The following PSME3IP1 variants were observed in gnomAD, a reference collection of about 807,000 sequenced individuals.
PSME3IP1 encodes proteasome activator subunit 3 interacting protein 1.
In PSME3IP1, 13 loss-of-function variants were observed where a neutral mutation model predicts 34.1. The ratio of observed to expected loss-of-function variants is 0.38; its 90% CI spans 0.25 to 0.61. The LOEUF (loss-of-function observed/expected upper bound fraction) is 0.61, where lower values mean the gene tolerates loss of function less well. Among genes scored for constraint, PSME3IP1 ranks in the 20% least tolerant of loss-of-function variants. The probability of loss-of-function intolerance (pLI) is 0.60; values close to 1 mark genes in which losing one functional copy is unlikely to be tolerated. For missense variants in PSME3IP1, 237 were observed against 301.4 expected (o/e 0.79, Z 1.58); for synonymous variants, 93 against 114.3 (o/e 0.81, Z 1.19).
intron 5 of PSME3IP1, among the ~76,000 whole-genome samples, chr16:57,164,868 C>T (rs1376448554): frequency 1.3e-5 from 2 of 151,780 alleles, no homozygotes; most frequent in African/African-American, 4.8e-5. Flanking sequence ...CCTGTCTCTA[C>T]AAAAAATACA....
Position 57,168,803 on chromosome 16 carries a change from C to CAAA in PSME3IP1, c.349-1580_349-1578dup, listed in dbSNP as rs1189721344. Among the ~76,000 whole-genome samples, 77 of 23,886 alleles carry CAAA rather than the reference C, an allele frequency of 3.2e-3. 7 individuals carry two copies. The highest frequency in any genetic ancestry group is 4.6e-3 in the Non-Finnish European group (61 of 13,310). 15.7% of individuals were successfully genotyped at this position (23,886 alleles called of 152,430 possible). A position where few individuals can be genotyped will look rare whatever the true frequency, so the allele number is the denominator to read the frequency against. On this transcript the variant is annotated intron_variant, in intron 4 of 6. Coordinates refer to ENST00000309137, the MANE Select transcript of PSME3IP1 (RefSeq NM_024946.4). Reference sequence around the variant, plus strand: ...GGGTAACAAGAGCGAAACTCTGTCTCAAAAAAAAAAAAAAAAAAAAAAAAA... The same window carrying CAAA: ...GGGTAACAAGAGCGAAACTCTGTCTCAAAAAAAAAAAAAAAAAAAAAAAAAAAA...
At chr16:57,161,660 C>A (rs1597610453) in intron 6 of PSME3IP1, among the ~76,000 whole-genome samples, 1 of 151,154 alleles carries the variant, frequency 6.6e-6, no homozygotes, top group East Asian at 2.0e-4. Flanking sequence ...CTACAGGCAT[C>A]CGCCAGCACA....
Position 57,173,826 on chromosome 16 carries a change from A to G in PSME3IP1, c.29T>C (p.Ile10Thr). The part of the protein sequence containing the change: MDGGDDGNL[I>T]IKKRFVSEAE... ...CTCAGACACAAACCTCTTTTTGATA[A>G]TAAGGTTACCATCATCCCCTCCATC... The change falls in exon 2 of 7, where the codon ATT becomes ACT. Residue 10 changes from isoleucine to threonine, a missense_variant. By Grantham distance (89) the Ile-to-Thr change is moderately conservative. Coordinates refer to ENST00000309137, the MANE Select transcript of PSME3IP1 (RefSeq NM_024946.4). 6.2e-7 allele frequency: 1 copy of G among 1,613,988 alleles called. No individual in the cohort carries two copies. Among genetic ancestry groups the G allele is most frequent in the South Asian group, 1.1e-5 (1 of 91,068 alleles).
At position 57,154,585 on chromosome 16, in the gene PSME3IP1, T is replaced by G; in HGVS notation, c.548-78A>C. 1 of 1,259,324 alleles carries G rather than the reference T, an allele frequency of 7.9e-7. No individual in the cohort carries two copies. Among genetic ancestry groups the G allele is most frequent in the Non-Finnish European group, 1.1e-6 (1 of 916,336 alleles). 78.0% of individuals were successfully genotyped at this position (1,259,324 alleles called of 1,614,324 possible). ...GACTGACTTACCATGTGCCAGGCAC[T>G]GTACCAAGGGATTTTCCCACAGAGG... On this transcript the variant is annotated intron_variant, in intron 6 of 6. Coordinates refer to ENST00000309137, the MANE Select transcript of PSME3IP1 (RefSeq NM_024946.4). This position sits in a 1 kb window ranked among gnomAD's most constrained non-coding sequence, Gnocchi z 4.0.
Position 57,173,887 on chromosome 16 carries a change from A to C in PSME3IP1, c.-15-18T>G. 6.3e-7 allele frequency: 1 copy of C among 1,599,356 alleles called. No individual in the cohort carries two copies. The highest frequency in any genetic ancestry group is 2.2e-5 in the East Asian group (1 of 44,646). ...CAACCAATCTACAAAACAAAAACAA[A>C]AACAAAAAAAATCATTTCAAGTGAG... On this transcript the variant is annotated intron_variant, in intron 1 of 6. Transcript: ENST00000309137.
chr16:57,162,692 C>A (rs1345469199), intron 6 of PSME3IP1, among the ~76,000 whole-genome samples: 2 of 148,824 alleles, frequency 1.3e-5, no homozygotes, highest in East Asian at 2.0e-4. Context: ...AAATTGTTGA[C>A]GGTCTTTCCT....
intron 1 of PSME3IP1, among the ~76,000 whole-genome samples, chr16:57,184,266 GGAA>G (rs1411007716): frequency 1.3e-5 from 2 of 151,458 alleles, no homozygotes; most frequent in South Asian, 4.2e-4. Flanking sequence ...AGAAACAATG[GGAA>G]GAAGCAATAT....
At chr16:57,158,254 G>T (rs2070794951) in intron 6 of PSME3IP1, among the ~76,000 whole-genome samples, 1 of 152,168 alleles carries the variant, frequency 6.6e-6, no homozygotes, top group African/African-American at 2.4e-5. Flanking sequence ...CAGATAGAAT[G>T]ATATTTTCAG....
intron 1 of PSME3IP1, chr16:57,174,621 T>C (rs1033303141): frequency 1.3e-4 from 128 of 985,350 alleles, no homozygotes; most frequent in Non-Finnish European, 1.4e-4. Context: ...TTGATTCACC[T>C]GCTCTTGCCT....
rs2070089519 is a variant in PSME3IP1 at position 57,152,835 on chromosome 16, TG to T, written c.*1454del. ...GGAAGAATTCACAAAGCATCAGTTA[TG>T]GGTGCAGGGAAGTCGCCATCTGCCA... On this transcript the variant is annotated 3_prime_UTR_variant, in exon 7 of 7. Transcript: ENST00000309137. The T allele has an allele frequency of 6.5e-6, 1 of 152,676 alleles. No individual in the cohort carries two copies. Among genetic ancestry groups the T allele is most frequent in the African/African-American group, 2.4e-5 (1 of 41,476 alleles). 9.5% of individuals were successfully genotyped at this position (152,676 alleles called of 1,614,324 possible).
At chr16:57,185,309 T>C (rs779923322) in intron 1 of PSME3IP1, among the ~76,000 whole-genome samples, 18 of 152,216 alleles carry the variant, frequency 1.2e-4, no homozygotes, top group Non-Finnish European at 2.2e-4. Flanking sequence ...TTCAACTCTC[T>C]TTGTTTCTTA....
At position 57,172,389 on chromosome 16, in the gene PSME3IP1, A is replaced by G; in HGVS notation, c.227-17T>C. On this transcript the variant is annotated splice_polypyrimidine_tract_variant and intron_variant, in intron 3 of 6. Coordinates refer to ENST00000309137, the MANE Select transcript of PSME3IP1 (RefSeq NM_024946.4). ...CCATGTTTTCTGAGGAAATAATTAA[A>G]CAAGGCACACTTAGCAGGCTAAAGG... 6.2e-7 allele frequency: 1 copy of G among 1,612,720 alleles called. No homozygotes were observed. Among genetic ancestry groups the G allele is most frequent in the Non-Finnish European group, 8.5e-7 (1 of 1,179,572 alleles).
chr16:57,164,129 A>G, intron 5 of PSME3IP1, 64 bp from the exon 6 acceptor site: 1 of 1,438,796 alleles, frequency 7.0e-7, no homozygotes, highest in Non-Finnish European at 9.8e-7. Flanking sequence ...TTAGGGAATC[A>G]GGAGCTCCAA....
chr16:57,163,305 G>A (rs1203075879), intron 6 of PSME3IP1, among the ~76,000 whole-genome samples: 2 of 152,122 alleles, frequency 1.3e-5, no homozygotes, highest in African/African-American at 4.8e-5. Context: ...AAGGGTAACA[G>A]CAACAGACCA....
intron 4 of PSME3IP1, among the ~76,000 whole-genome samples, chr16:57,168,213 A>C (rs984538036): frequency 6.6e-6 from 1 of 152,222 alleles, no homozygotes; most frequent in Non-Finnish European, 1.5e-5. Context: ...TCTAAGAAGC[A>C]TGAATTATCA....
intron 4 of PSME3IP1, among the ~76,000 whole-genome samples, chr16:57,168,151 A>T (rs1221756934): frequency 1.3e-5 from 2 of 152,198 alleles, no homozygotes; most frequent in African/African-American, 4.8e-5. Context: ...GCAAGTCCTT[A>T]TTTAAGATGC....
At chr16:57,160,252 T>G (rs1247188261) in intron 6 of PSME3IP1, among the ~76,000 whole-genome samples, 1 of 149,444 alleles carries the variant, frequency 6.7e-6, no homozygotes, top group Non-Finnish European at 1.5e-5. Flanking sequence ...ATTGCGCCAC[T>G]GCAGTCCGCA....
In PSME3IP1 at chr16:57,175,901, G is replaced by A. The variant is rs181918488; in HGVS notation, c.-15-2032C>T. 4.6e-5 allele frequency among the ~76,000 whole-genome samples: 7 copies of A among 152,314 alleles called. No individual in the cohort carries two copies. In the East Asian group the frequency reaches 1.3e-3, roughly 29 times the overall value. On this transcript the variant is annotated intron_variant, in intron 1 of 6. Transcript: ENST00000309137. ...AAACAAACCCAAACGTTCAGAACAAGAGAATAGTCTCAGCCTGAATACTAC... is the reference window on the plus strand; with the variant it reads ...AAACAAACCCAAACGTTCAGAACAAAAGAATAGTCTCAGCCTGAATACTAC...
rs1485325739 is a variant in PSME3IP1 at position 57,172,831 on chromosome 16, C to A, written c.171G>T (p.Arg57Ser). The A allele has an allele frequency of 1.9e-6, 3 of 1,613,656 alleles. No individual in the cohort carries two copies. The East Asian group carries it at 6.7e-5, about 36-fold the overall frequency. Residue 57 changes from arginine (R) to serine (S), a missense_variant, in exon 3 of 7, where the codon AGG becomes AGT. Transcript: ENST00000309137. ...GCTTCCTGTCCTTCTGTTCCTGTAG[C>A]CTTTCATATAGAGATCGAGGGTCAT... ...EVYDPRSLYE[R>S]LQEQKDRKQQ...
Sources: gnomAD v4.1 joint callset for allele counts (sites outside exome capture counted in the v4.1 genomes callset) on GRCh38, gnomAD v4.1.1 for gene constraint, Gnocchi (gnomAD v3.1) non-coding constraint, MANE v1.5 for transcripts, NCBI Gene and HGNC (gene_info 2026-07-23, HGNC 2026-07-21) for gene names.